Variants in CHST8 observed in about 807,000 individuals in gnomAD.
The protein encoded by CHST8 is carbohydrate sulfotransferase 8, also known as GALNAC-4-ST1.
Under a neutral mutation model 15.0 loss-of-function variants are expected in CHST8, and 10 were observed. The ratio of observed to expected loss-of-function variants is 0.67; its 90% confidence interval spans 0.41 to 1.13. The LOEUF is 1.13. CHST8 is among the 50% of genes most tolerant of loss of function. The pLI is 0.00. For missense variants in CHST8, 634 were observed against 608.2 expected (o/e 1.04, Z -0.45); for synonymous variants, 259 against 256.6 (o/e 1.01, Z -0.09).
At chr19:33,764,149 GCT>G (rs1258058813) in intron 3 of CHST8, among the ~76,000 whole-genome samples, 1 of 152,208 alleles carries the variant, frequency 6.6e-6, no homozygotes, top group African/African-American at 2.4e-5. Context: ...TCCAAGGCCA[GCT>G]CTCAGTCCAG....
chr19:33,728,139 C>A (rs1973936353), intron 3 of CHST8, among the ~76,000 whole-genome samples: 1 of 152,282 alleles, frequency 6.6e-6, no homozygotes, highest in African/African-American at 2.4e-5. Context: ...GTTTTTAAAT[C>A]CCTCACCCCA....
intron 3 of CHST8, among the ~76,000 whole-genome samples, chr19:33,721,755 T>C (rs965440978): frequency 6.6e-6 from 1 of 151,186 alleles, no homozygotes; most frequent in African/African-American, 2.4e-5. Flanking sequence ...GATAGATGGA[T>C]GGAAAGTTGG....
intron 3 of CHST8, among the ~76,000 whole-genome samples, chr19:33,763,318 A>G (rs1315802077): frequency 6.6e-6 from 1 of 152,208 alleles, no homozygotes; most frequent in Non-Finnish European, 1.5e-5. Flanking sequence ...CTCAGAGCCT[A>G]GGGGAAGAAG....
intron 3 of CHST8, among the ~76,000 whole-genome samples, chr19:33,757,534 A>AAG (rs1405524231): frequency 2.0e-5 from 1 of 49,722 alleles, no homozygotes; most frequent in South Asian, 6.4e-4. Flanking sequence ...GAAAGAAAGA[A>AAG]AGAAAGAAAG....
At chr19:33,770,375 G>C (rs1974951229) in intron 3 of CHST8, among the ~76,000 whole-genome samples, 1 of 152,216 alleles carries the variant, frequency 6.6e-6, no homozygotes, top group African/African-American at 2.4e-5. Flanking sequence ...GGTGACCATG[G>C]CTTTTGGCAG....
intron 1 of CHST8, among the ~76,000 whole-genome samples, chr19:33,624,237 C>T (rs896600192): frequency 1.3e-5 from 2 of 152,180 alleles, no homozygotes; most frequent in Admixed American, 6.5e-5. Flanking sequence ...CATCAGGCAG[C>T]GTGGGGGCTC....
chr19:33,701,610 T>C (rs138437962), intron 3 of CHST8, among the ~76,000 whole-genome samples: 2,893 of 152,158 alleles, frequency 0.019, 55 homozygotes, highest in South Asian at 0.046. Context: ...ATGCTAAAAA[T>C]AGAAGAGGAG....
At chr19:33,743,788 CT>C (rs1974253157) in intron 3 of CHST8, among the ~76,000 whole-genome samples, 2 of 120,514 alleles carry the variant, frequency 1.7e-5, no homozygotes, top group African/African-American at 7.1e-5. Context: ...CTGCTTTTTT[CT>C]TTTTTTCTTT....
chr19:33,651,790 G>C (rs991141065), intron 1 of CHST8, among the ~76,000 whole-genome samples: 3 of 152,086 alleles, frequency 2.0e-5, no homozygotes, highest in Non-Finnish European at 4.4e-5. Flanking sequence ...TTTAATTTTA[G>C]TGGAGAATTC....
At chr19:33,687,001 C>T (rs997423106) in intron 2 of CHST8, among the ~76,000 whole-genome samples, 27 of 152,256 alleles carry the variant, frequency 1.8e-4, no homozygotes, top group African/African-American at 6.3e-4. Flanking sequence ...GCCATGGCCC[C>T]CCTGTGTCGG....
chr19:33,719,052 A>C (rs1973725915), intron 3 of CHST8, among the ~76,000 whole-genome samples: 1 of 151,482 alleles, frequency 6.6e-6, no homozygotes, highest in Admixed American at 6.6e-5. Flanking sequence ...GGGTGTGCCC[A>C]GCCTCCTCTC....
At chr19:33,737,404 G>T (rs573507518) in intron 3 of CHST8, among the ~76,000 whole-genome samples, 1 of 152,158 alleles carries the variant, frequency 6.6e-6, no homozygotes, top group African/African-American at 2.4e-5. Flanking sequence ...ACTGAGACAC[G>T]CATTCGGAAC....
intron 3 of CHST8, among the ~76,000 whole-genome samples, chr19:33,746,185 T>A (rs1489578916): frequency 6.6e-6 from 1 of 152,232 alleles, no homozygotes; most frequent in South Asian, 2.1e-4. Flanking sequence ...CATGGCACTT[T>A]AGAGTTCTAA....
At chr19:33,765,552 T>TCA (rs1438138629) in intron 3 of CHST8, among the ~76,000 whole-genome samples, 8 of 82,468 alleles carry the variant, frequency 9.7e-5, no homozygotes, top group African/African-American at 3.9e-4. Context: ...TGTGTGTGTG[T>TCA]GTCAGAGAGA....
At chr19:33,624,585 CT>C (rs1424345825) in intron 1 of CHST8, among the ~76,000 whole-genome samples, 1 of 152,114 alleles carries the variant, frequency 6.6e-6, no homozygotes, top group Non-Finnish European at 1.5e-5. Context: ...TCAAAAACGA[CT>C]TTTTTGCCGT....
At chr19:33,648,902 C>CTTTTTTTTTTTT (rs376386370) in intron 1 of CHST8, among the ~76,000 whole-genome samples, 2 of 99,974 alleles carry the variant, frequency 2.0e-5, no homozygotes, top group African/African-American at 4.0e-5. Context: ...GAATGAAGCA[C>CTTTTTTTTTTTT]TTTTTTTTTT....
intron 1 of CHST8, among the ~76,000 whole-genome samples, chr19:33,637,296 C>T (rs910320085): frequency 6.6e-6 from 1 of 152,146 alleles, no homozygotes; most frequent in Non-Finnish European, 1.5e-5. Flanking sequence ...CAGTAGGTCT[C>T]AGCCTCATTT....
intron 1 of CHST8, among the ~76,000 whole-genome samples, chr19:33,648,447 G>C (rs1456243117): frequency 6.6e-6 from 1 of 152,076 alleles, no homozygotes; most frequent in African/African-American, 2.4e-5. Flanking sequence ...CTATACATTT[G>C]CCTATTCTGG....
chr19:33,736,533 C>T (rs1443829001), intron 3 of CHST8, among the ~76,000 whole-genome samples: 1 of 152,136 alleles, frequency 6.6e-6, no homozygotes, highest in African/African-American at 2.4e-5. Flanking sequence ...CAAGCTCAGA[C>T]AAGATGCATA....
Sources: gnomAD v4.1 joint callset for allele counts (sites outside exome capture counted in the v4.1 genomes callset) on GRCh38, gnomAD v4.1.1 for gene constraint, MANE v1.5 for transcripts, NCBI Gene and HGNC (gene_info 2026-07-23, HGNC 2026-07-21) for gene names.